Variants in PCCA observed in about 807,000 individuals in gnomAD.
PCCA encodes propionyl-CoA carboxylase alpha chain, mitochondrial.
A neutral mutation model predicts 101.3 loss-of-function variants in PCCA; 74 were observed. That is an observed-to-expected ratio of 0.73 (90% confidence interval 0.61 to 0.89). The LOEUF is 0.89. Ranked by LOEUF, PCCA falls within the 40% of genes least tolerant of loss-of-function variation. The pLI is 0.00. For synonymous variants in PCCA, 294 were observed against 313.6 expected (o/e 0.94, Z 0.66); for missense variants, 891 against 907.0 (o/e 0.98, Z 0.23).
intron 12 of PCCA, among the ~76,000 whole-genome samples, chr13:100,300,708 A>G (rs2065995126): frequency 6.6e-6 from 1 of 152,228 alleles, no homozygotes; most frequent in Admixed American, 6.5e-5. Context: ...TGATCGACCA[A>G]GTTTATGTTG....
intron 6 of PCCA, among the ~76,000 whole-genome samples, chr13:100,184,192 G>C (rs11069391): frequency 0.14 from 21,532 of 152,090 alleles, 1,641 homozygotes; most frequent in Non-Finnish European, 0.18. Flanking sequence ...TATAACTATA[G>C]TAGTTATTGC....
chr13:100,295,062 A>G (rs766580481), intron 12 of PCCA, among the ~76,000 whole-genome samples: 31 of 152,214 alleles, frequency 2.0e-4, no homozygotes, highest in Admixed American at 3.3e-4. Flanking sequence ...ATTTCCCAAC[A>G]TGCTTTTCAT....
At chr13:100,529,305 G>T (rs1049637538) in intron 23 of PCCA, among the ~76,000 whole-genome samples, 1 of 152,130 alleles carries the variant, frequency 6.6e-6, no homozygotes, top group Non-Finnish European at 1.5e-5. Flanking sequence ...ATGGAGGCAG[G>T]AGCATTGTGG....
chr13:100,487,829 G>A (rs2079168297), intron 21 of PCCA, among the ~76,000 whole-genome samples: 2 of 151,850 alleles, frequency 1.3e-5, no homozygotes, highest in South Asian at 2.1e-4. Flanking sequence ...GGGCTCAAGC[G>A]ATCCTCCTAT....
At chr13:100,308,969 G>GT (rs1281295565) in intron 15 of PCCA, among the ~76,000 whole-genome samples, 6 of 152,168 alleles carry the variant, frequency 3.9e-5, no homozygotes, top group Non-Finnish European at 8.8e-5. Flanking sequence ...AGACTTTTCT[G>GT]TTTTTTTGAT....
intron 16 of PCCA, among the ~76,000 whole-genome samples, chr13:100,319,211 G>T (rs1400834292): frequency 6.6e-6 from 1 of 152,134 alleles, no homozygotes. Context: ...ATTTGTTTGA[G>T]TTCTTTGTAG....
Position 100,343,148 on chromosome 13 carries a change from A to G in PCCA, c.1643+2889A>G, listed in dbSNP as rs938493984. On this transcript the variant is annotated intron_variant, in intron 18 of 23. Coordinates refer to ENST00000376285, the MANE Select transcript of PCCA (RefSeq NM_000282.4). ...GAGGCGGAGGTTGCAGTGAGCCAAG[A>G]ATGCGCCACTGCACTCCAGCCTGGG... 5.3e-5 allele frequency among the ~76,000 whole-genome samples: 8 copies of G among 152,334 alleles called. No individual in the cohort carries two copies. In the South Asian group the frequency reaches 1.4e-3, roughly 28 times the overall value.
At chr13:100,465,726 A>C (rs1002244113) in intron 21 of PCCA, among the ~76,000 whole-genome samples, 1 of 152,238 alleles carries the variant, frequency 6.6e-6, no homozygotes, top group Non-Finnish European at 1.5e-5. Context: ...TATAACAACT[A>C]AAATTGTCTC....
rs138752372 is a variant in PCCA at position 100,232,413 on chromosome 13, C to G, written c.601-3429C>G. Among the ~76,000 whole-genome samples, 265 of 148,010 alleles carry G rather than the reference C, an allele frequency of 1.8e-3. 2 individuals carry two copies. Among genetic ancestry groups the G allele is most frequent in the African/African-American group, 6.3e-3 (254 of 40,102 alleles). On this transcript the variant is annotated intron_variant, in intron 7 of 23. Transcript: ENST00000376285. ...GTGTGGTTTTAGAGACGGAGTCTCA[C>G]TTTATTTCCCAGGCAGGAGTGCAGT... is the stretch of plus-strand genomic sequence containing the variant.
chr13:100,243,564 T>C (rs1278733165), intron 8 of PCCA, among the ~76,000 whole-genome samples: 4 of 152,226 alleles, frequency 2.6e-5, no homozygotes, highest in Non-Finnish European at 4.4e-5. Flanking sequence ...TAGTGACTAC[T>C]AGTCATCAAT....
chr13:100,262,170 A>T (rs2062563816), intron 9 of PCCA, among the ~76,000 whole-genome samples: 1 of 152,068 alleles, frequency 6.6e-6, no homozygotes, highest in African/African-American at 2.4e-5. Flanking sequence ...AGGCAGGTGG[A>T]TCACCTTAGG....
chr13:100,108,866 C>T (rs2152271459), intron 2 of PCCA, among the ~76,000 whole-genome samples: 1 of 152,232 alleles, frequency 6.6e-6, no homozygotes, highest in Admixed American at 6.5e-5. Flanking sequence ...TTCAGTGTAT[C>T]CCCTTTTGTA....
chr13:100,421,152 A>C (rs1317599423), intron 19 of PCCA, among the ~76,000 whole-genome samples: 4 of 152,098 alleles, frequency 2.6e-5, no homozygotes, highest in Non-Finnish European at 5.9e-5. Flanking sequence ...CGGAGGTTGC[A>C]GTGAGCTGAG....
intron 6 of PCCA, among the ~76,000 whole-genome samples, chr13:100,185,949 A>G (rs1171078214): frequency 3.9e-5 from 6 of 152,046 alleles, no homozygotes; most frequent in Non-Finnish European, 5.9e-5. Flanking sequence ...GCCCGGCTAA[A>G]TTTCTTTCAG....
chr13:100,425,282 C>T (rs945862900), intron 19 of PCCA, among the ~76,000 whole-genome samples: 1 of 152,168 alleles, frequency 6.6e-6, no homozygotes, highest in Non-Finnish European at 1.5e-5. Context: ...TATGCAAGCC[C>T]TGTTGTGTGG....
Position 100,515,460 on chromosome 13 carries a change from G to A in PCCA, c.1933G>A (p.Glu645Lys), listed in dbSNP as rs145428347. 7 of 1,614,012 alleles carry A rather than the reference G, an allele frequency of 4.3e-6. No individual in the cohort carries two copies. In the African/African-American group the frequency reaches 6.7e-5, roughly 15 times the overall value. ...KVNILTRLAA[E>K]LNKFMLEKVT... ...GAATATCTTAACCAGACTTGCCGCA[G>A]AATTGAACAAATTTATGCTGGAAAA... Residue 645 changes from glutamate (E) to lysine (K), a missense_variant, in exon 22 of 24, where the codon GAA becomes AAA. By Grantham distance (56) the Glu-to-Lys change is moderately conservative. Transcript: ENST00000376285.
At chr13:100,318,746 G>A (rs1032008851) in intron 16 of PCCA, among the ~76,000 whole-genome samples, 2 of 152,098 alleles carry the variant, frequency 1.3e-5, no homozygotes, top group Admixed American at 1.3e-4. Context: ...GGACATTTGG[G>A]TTGGTTCCAA....
intron 7 of PCCA, among the ~76,000 whole-genome samples, chr13:100,234,017 T>C (rs1366485609): frequency 6.6e-6 from 1 of 152,240 alleles, no homozygotes; most frequent in Non-Finnish European, 1.5e-5. Context: ...TTCTCTCAAG[T>C]GATGAACTTT....
chr13:100,286,246 T>G (rs2064636362), intron 12 of PCCA, among the ~76,000 whole-genome samples: 2 of 152,226 alleles, frequency 1.3e-5, no homozygotes, highest in African/African-American at 4.8e-5. Context: ...AGGCAAGTTA[T>G]TTCTATAGAA....
Sources: allele counts gnomAD v4.1 joint callset (sites outside exome capture counted in the v4.1 genomes callset), GRCh38; gene constraint gnomAD v4.1.1; transcripts MANE v1.5; gene names NCBI Gene and HGNC (gene_info 2026-07-23, HGNC 2026-07-21).